NBEA: variants seen among roughly 807,000 people sequenced by gnomAD.
NBEA encodes neurobeachin.
Under a neutral mutation model 343.4 loss-of-function variants are expected in NBEA, and 44 were observed. That is an observed-to-expected ratio of 0.13 (90% confidence interval 0.10 to 0.16). The LOEUF (loss-of-function observed/expected upper bound fraction) is 0.16, where lower values mean the gene tolerates loss of function less well. Among genes scored for constraint, NBEA ranks in the 10% least tolerant of loss-of-function variants. NBEA has a pLI of 1.00. For missense variants in NBEA, 2,555 were observed against 3,631.3 expected (o/e 0.70, Z 7.62); for synonymous variants, 1,175 against 1,238.7 (o/e 0.95, Z 1.08).
chr13:35,662,023 C>A (rs2085115302), intron 55 of NBEA, among the ~76,000 whole-genome samples: 2 of 152,166 alleles, frequency 1.3e-5, no homozygotes, highest in Admixed American at 1.3e-4. Flanking sequence ...AAAATAAGAA[C>A]CATGAGTTCT....
At chr13:35,165,295 C>A (rs1353643839) in intron 24 of NBEA, among the ~76,000 whole-genome samples, 1 of 152,186 alleles carries the variant, frequency 6.6e-6, no homozygotes, top group South Asian at 2.1e-4. Flanking sequence ...ACCACCATCA[C>A]CAGAGCAGCC....
In NBEA at chr13:35,621,111, A is replaced by C. The variant is rs116749300; in HGVS notation, c.7450-6970A>C. On this transcript the variant is annotated intron_variant, in intron 48 of 58. Coordinates refer to ENST00000379939, the MANE Select transcript of NBEA (RefSeq NM_001385012.1). ...CAGGACATCGAATGCTTATTCATCT[A>C]TGTGTCCTCTAAGGCTAATGTCTGA... 3.2e-3 allele frequency among the ~76,000 whole-genome samples: 490 copies of C among 152,294 alleles called. 3 individuals are homozygous for C. The highest frequency in any genetic ancestry group is 0.011 in the African/African-American group (473 of 41,560).
intron 13 of NBEA, among the ~76,000 whole-genome samples, chr13:35,115,602 G>A (rs1416210678): frequency 6.6e-6 from 1 of 151,654 alleles, no homozygotes; most frequent in East Asian, 1.9e-4. Context: ...GTATTATTTG[G>A]GGATTTGTTT....
At chr13:34,967,390 A>G (rs2059857472) in intron 1 of NBEA, among the ~76,000 whole-genome samples, 2 of 151,612 alleles carry the variant, frequency 1.3e-5, no homozygotes, top group Non-Finnish European at 1.5e-5. Flanking sequence ...TCGTCAAAGT[A>G]GTAGATAAGA....
chr13:35,236,255 G>A (rs2075221919), intron 34 of NBEA, among the ~76,000 whole-genome samples: 1 of 152,070 alleles, frequency 6.6e-6, no homozygotes, highest in South Asian at 2.1e-4. Context: ...ATGACTTTCA[G>A]TATCCCTCAC....
intron 34 of NBEA, among the ~76,000 whole-genome samples, chr13:35,259,095 C>G (rs2032959516): frequency 6.6e-6 from 1 of 152,164 alleles, no homozygotes; most frequent in African/African-American, 2.4e-5. Flanking sequence ...CCTTTCCATG[C>G]TAAGCACTTA....
At chr13:35,044,614 G>C (rs1476009545) in intron 2 of NBEA, among the ~76,000 whole-genome samples, 1 of 150,754 alleles carries the variant, frequency 6.6e-6, no homozygotes. Flanking sequence ...GTGTGTGTGT[G>C]TGTGTGTGTG....
chr13:35,015,924 G>A (rs1264822762), intron 1 of NBEA, among the ~76,000 whole-genome samples: 2 of 151,650 alleles, frequency 1.3e-5, no homozygotes, highest in East Asian at 1.9e-4. Context: ...TTTGAGATTC[G>A]GATAAAAAAG....
chr13:35,101,263 A>G (rs996093940), intron 11 of NBEA, among the ~76,000 whole-genome samples: 19 of 152,000 alleles, frequency 1.3e-4, no homozygotes, highest in African/African-American at 4.3e-4. Context: ...GAAACTATTG[A>G]TGTTTTTCAA....
At chr13:35,512,915 T>C (rs2077334337) in intron 41 of NBEA, among the ~76,000 whole-genome samples, 1 of 152,156 alleles carries the variant, frequency 6.6e-6, no homozygotes, top group Non-Finnish European at 1.5e-5. Context: ...TACTACCTCA[T>C]GGTAGGATTG....
At chr13:35,526,481 A>T (rs2077981711) in intron 41 of NBEA, among the ~76,000 whole-genome samples, 1 of 152,192 alleles carries the variant, frequency 6.6e-6, no homozygotes, top group Non-Finnish European at 1.5e-5. Flanking sequence ...ACCCGTCTCT[A>T]CTAAAAATAT....
chr13:35,137,525 C>T (rs2067810607), intron 17 of NBEA, among the ~76,000 whole-genome samples: 2 of 150,740 alleles, frequency 1.3e-5, no homozygotes, highest in African/African-American at 4.9e-5. Flanking sequence ...GTTTCATGCC[C>T]TTTTCTTTAT....
intron 33 of NBEA, among the ~76,000 whole-genome samples, chr13:35,214,642 G>A (rs1216467950): frequency 6.6e-6 from 1 of 151,240 alleles, no homozygotes; most frequent in Non-Finnish European, 1.5e-5. Flanking sequence ...CCATTTTGTT[G>A]TATATATTTT....
chr13:35,168,162 T>C (rs1354904532), intron 24 of NBEA, among the ~76,000 whole-genome samples: 2 of 151,788 alleles, frequency 1.3e-5, no homozygotes, highest in African/African-American at 4.8e-5. Flanking sequence ...CATACTTTAC[T>C]ATTCTCAGGA....
intron 41 of NBEA, among the ~76,000 whole-genome samples, chr13:35,528,612 T>C (rs1462167449): frequency 1.3e-5 from 2 of 152,336 alleles, no homozygotes; most frequent in East Asian, 3.9e-4. Context: ...ACAGCTCTTC[T>C]TGCTTTTACA....
intron 41 of NBEA, chr13:35,474,844 T>C (rs1293420064): frequency 1.8e-6 from 1 of 570,868 alleles, no homozygotes; most frequent in Non-Finnish European, 3.0e-6. Context: ...AGTCTTCTAA[T>C]ACTAGTGGCT....
chr13:35,379,599 A>G lies in NBEA; in HGVS notation c.6179+27276A>G, dbSNP rs553982525. Reference sequence around the variant, plus strand: ...AAGCATCTTTGCCTAGTGTGGCATCACAAAGATGTTCTCTTAGGTTTTCTT... The same window carrying G: ...AAGCATCTTTGCCTAGTGTGGCATCGCAAAGATGTTCTCTTAGGTTTTCTT... On this transcript the variant is annotated intron_variant, in intron 38 of 58. Transcript: ENST00000379939. Among the ~76,000 whole-genome samples the G allele has an allele frequency of 7.0e-4, 106 of 152,180 alleles. 1 individual carries two copies. Among genetic ancestry groups the G allele is most frequent in the African/African-American group, 2.5e-3 (104 of 41,538 alleles).
intron 33 of NBEA, among the ~76,000 whole-genome samples, chr13:35,218,292 A>G (rs953599944): frequency 2.0e-5 from 3 of 152,074 alleles, no homozygotes; most frequent in Non-Finnish European, 2.9e-5. Flanking sequence ...CATGTTGTCA[A>G]TGATTTCTTT....
chr13:35,542,155 C>G (rs924689180), intron 41 of NBEA, among the ~76,000 whole-genome samples: 1 of 149,978 alleles, frequency 6.7e-6, no homozygotes, highest in African/African-American at 2.5e-5. Context: ...TTTTGACACC[C>G]CCCCCCCACC....
Sources: gnomAD v4.1 joint callset for allele counts (sites outside exome capture counted in the v4.1 genomes callset) on GRCh38, gnomAD v4.1.1 for gene constraint, MANE v1.5 for transcripts, NCBI Gene and HGNC (gene_info 2026-07-23, HGNC 2026-07-21) for gene names.